NINJ2: variants seen among roughly 807,000 people sequenced by gnomAD.
The protein encoded by NINJ2 is ninjurin 2.
NINJ2 carries 12 observed loss-of-function variants against 11.7 expected under a neutral mutation model. The ratio of observed to expected loss-of-function variants is 1.02; its 90% CI spans 0.66 to 1.66. The LOEUF (loss-of-function observed/expected upper bound fraction) is 1.66. Among genes scored for constraint, NINJ2 ranks in the 40% most tolerant of loss-of-function variants. The probability of loss-of-function intolerance (pLI) is 0.00; values close to 1 mark genes in which losing one functional copy is unlikely to be tolerated. For missense variants in NINJ2, 187 were observed against 181.8 expected, an observed-to-expected ratio of 1.03 and a Z score of -0.16; for synonymous variants, 93 against 76.8, an observed-to-expected ratio of 1.21 and a Z score of -1.10.
intron 1 of NINJ2, among the ~76,000 whole-genome samples, chr12:596,457 C>T (rs1000511235): frequency 1.3e-5 from 2 of 152,038 alleles, no homozygotes; most frequent in African/African-American, 4.8e-5. Context: ...GGCGGCTGTG[C>T]GTATGTAGGG....
rs565060522 is a variant in NINJ2, at chr12:568,347, C to G, written c.34-2169G>C. On this transcript the variant is annotated intron_variant, in intron 1 of 3. Transcript: ENST00000305108. ...CTCCTAGGCCAACAGAAGGGAGCCT[C>G]TCTTCCCCAGTCCTTCTCCTAACGT... Among the ~76,000 whole-genome samples the G allele has an allele frequency of 1.5e-4, 23 of 152,326 alleles. No homozygotes were observed. In the South Asian group the frequency reaches 4.1e-3, roughly 27 times the overall value.
chr12:594,593 C>T (rs557084858), intron 1 of NINJ2, among the ~76,000 whole-genome samples: 2 of 152,000 alleles, frequency 1.3e-5, no homozygotes, highest in African/African-American at 4.8e-5. Context: ...TTCACAACCA[C>T]CCTGGGCAAT....
At chr12:570,197 G>GTC (rs1565618181) in intron 1 of NINJ2, among the ~76,000 whole-genome samples, 1 of 152,218 alleles carries the variant, frequency 6.6e-6, no homozygotes, top group African/African-American at 2.4e-5. Flanking sequence ...AGCACAACCT[G>GTC]CAGCCGAGGG....
intron 1 of NINJ2, among the ~76,000 whole-genome samples, chr12:634,386 A>C (rs1432980986): frequency 6.9e-6 from 1 of 144,046 alleles, no homozygotes; most frequent in Non-Finnish European, 1.5e-5. Flanking sequence ...CAGCCCCCCT[A>C]GTAGCTGGGA....
chr12:604,419 C>T (rs1465005048), intron 1 of NINJ2, among the ~76,000 whole-genome samples: 1 of 152,164 alleles, frequency 6.6e-6, no homozygotes, highest in East Asian at 1.9e-4. Flanking sequence ...GGGCGGATCA[C>T]TTGAGGTCAG....
At chr12:595,717 C>A (rs1156476359) in intron 1 of NINJ2, among the ~76,000 whole-genome samples, 2 of 152,028 alleles carry the variant, frequency 1.3e-5, no homozygotes, top group Admixed American at 6.5e-5. Flanking sequence ...CATGCCATTG[C>A]ACTCCAGCCT....
intron 1 of NINJ2, among the ~76,000 whole-genome samples, chr12:613,071 G>A (rs1216906837): frequency 6.6e-6 from 1 of 152,196 alleles, no homozygotes; most frequent in Non-Finnish European, 1.5e-5. Flanking sequence ...TTCAGTGGCA[G>A]AGTTTCAACT....
intron 1 of NINJ2, among the ~76,000 whole-genome samples, chr12:660,404 G>A (rs1317560735): frequency 6.9e-6 from 1 of 144,828 alleles, no homozygotes; most frequent in Non-Finnish European, 1.5e-5. Context: ...GCAGTGGCAC[G>A]ATCTCCGCTC....
At chr12:658,144 AC>A (rs1937897939) in intron 1 of NINJ2, among the ~76,000 whole-genome samples, 1 of 151,784 alleles carries the variant, frequency 6.6e-6, no homozygotes, top group Admixed American at 6.6e-5. Flanking sequence ...GATTACAAGC[AC>A]CTGCCACCAT....
chr12:657,987 G>T lies in NINJ2; in HGVS notation c.33+5341C>A, dbSNP rs1439870669. Among the ~76,000 whole-genome samples the T allele has an allele frequency of 1.4e-4, 18 of 130,172 alleles. 1 individual carries two copies. Among genetic ancestry groups the T allele is most frequent in the Non-Finnish European group, 6.4e-5 (4 of 62,214 alleles). 85.4% of individuals were successfully genotyped at this position (130,172 alleles called of 152,430 possible). On this transcript the variant is annotated intron_variant, in intron 1 of 3. Transcript: ENST00000305108. ...TGTGTTTACACAAAAACCTACACAG[G>T]CTTTTTTTTTTTTTTTTTTTTTTTT...
intron 1 of NINJ2, among the ~76,000 whole-genome samples, chr12:637,884 G>A (rs966536625): frequency 2.6e-4 from 39 of 152,188 alleles, no homozygotes; most frequent in African/African-American, 9.2e-4. Context: ...GCCCTATGGG[G>A]CAACTGTTCT....
chr12:567,891 C>T (rs1456084950), intron 1 of NINJ2, among the ~76,000 whole-genome samples: 1 of 152,120 alleles, frequency 6.6e-6, no homozygotes, highest in Non-Finnish European at 1.5e-5. Flanking sequence ...GCCTGTAATC[C>T]CAGCTACTCA....
chr12:579,907 C>G (rs576665812), intron 1 of NINJ2, among the ~76,000 whole-genome samples: 3 of 152,184 alleles, frequency 2.0e-5, no homozygotes, highest in Non-Finnish European at 4.4e-5. Context: ...AGTCACGTTT[C>G]GGTTTACATC....
intron 1 of NINJ2, among the ~76,000 whole-genome samples, chr12:615,828 T>G (rs1948085403): frequency 1.3e-5 from 2 of 152,232 alleles, no homozygotes. Flanking sequence ...CGACTTCACA[T>G]GCCCTTTTCA....
At chr12:654,521 CA>C (rs72488352) in intron 1 of NINJ2, among the ~76,000 whole-genome samples, 36,706 of 98,508 alleles carry the variant, frequency 0.37, 5,392 homozygotes, top group Non-Finnish European at 0.44. Context: ...AACTCCGTCT[CA>C]AAAAAAAAAA....
chr12:579,024 G>A (rs1947509937), intron 1 of NINJ2, among the ~76,000 whole-genome samples: 1 of 152,204 alleles, frequency 6.6e-6, no homozygotes, highest in Non-Finnish European at 1.5e-5. Flanking sequence ...CGGGTAAGTG[G>A]AAAGGACTTT....
At chr12:625,247 G>C (rs1948199991) in intron 1 of NINJ2, among the ~76,000 whole-genome samples, 1 of 152,160 alleles carries the variant, frequency 6.6e-6, no homozygotes. Flanking sequence ...AAGGCATCTA[G>C]GTGGTAGGAA....
chr12:601,790 T>C (rs1292582378), intron 1 of NINJ2, among the ~76,000 whole-genome samples: 4 of 152,100 alleles, frequency 2.6e-5, no homozygotes, highest in Non-Finnish European at 5.9e-5. Flanking sequence ...CACTTGAACC[T>C]GGGAGGCGGA....
chr12:607,055 C>T (rs918636946), intron 1 of NINJ2, among the ~76,000 whole-genome samples: 1 of 152,164 alleles, frequency 6.6e-6, no homozygotes, highest in Non-Finnish European at 1.5e-5. Context: ...TAATAAATTC[C>T]ACTTCTTATT....
Sources: gnomAD v4.1 joint callset for allele counts (sites outside exome capture counted in the v4.1 genomes callset) on GRCh38, gnomAD v4.1.1 for gene constraint, MANE v1.5 for transcripts, NCBI Gene and HGNC (gene_info 2026-07-23, HGNC 2026-07-21) for gene names.